The following SYNPO variants were observed in gnomAD, a reference collection of about 807,000 sequenced individuals.
SYNPO encodes the protein synaptopodin.
Under a neutral mutation model 49.5 loss-of-function variants are expected in SYNPO, and 19 were observed. The observed-to-expected ratio is 0.38, with a 90% CI of 0.27 to 0.56. SYNPO has a LOEUF of 0.56. SYNPO is among the 20% of genes least tolerant of loss of function. The pLI, the probability that SYNPO is intolerant of heterozygous loss-of-function variation, is 0.68. For synonymous variants in SYNPO, 536 were observed against 548.0 expected (o/e 0.98, Z 0.31); for missense variants, 1,131 against 1,248.3 (o/e 0.91, Z 1.42).
intron 2 of SYNPO, among the ~76,000 whole-genome samples, chr5:150,622,363 C>A (rs1350355806): frequency 2.6e-5 from 4 of 152,188 alleles, no homozygotes; most frequent in African/African-American, 9.7e-5. Context: ...CTGTGTTCTT[C>A]CACCCACCTG....
intron 1 of SYNPO, among the ~76,000 whole-genome samples, chr5:150,604,630 C>G (rs1325376291): frequency 1.3e-5 from 2 of 152,090 alleles, no homozygotes; most frequent in African/African-American, 4.8e-5. Context: ...ACTAGGTGAC[C>G]CCGTGCTCTG....
chr5:150,630,262 G>A (rs754002197), intron 2 of SYNPO, among the ~76,000 whole-genome samples: 3 of 152,184 alleles, frequency 2.0e-5, no homozygotes, highest in South Asian at 2.1e-4. Flanking sequence ...AAACTCCCAC[G>A]CAGTCTGGCA....
At chr5:150,647,073 T>A (rs922641438) in intron 1 of SYNPO, among the ~76,000 whole-genome samples, 85 of 152,044 alleles carry the variant, frequency 5.6e-4, no homozygotes, top group Middle Eastern at 3.4e-3. Flanking sequence ...TGAAACCCCA[T>A]CTCTACTAAA....
rs1403973579 is a variant in SYNPO at position 150,657,428 on chromosome 5, TCTCTCACACACACACA to T, written c.*343_*358del. 31 of 169,324 alleles carry T rather than the reference TCTCTCACACACACACA, an allele frequency of 1.8e-4. No individual in the cohort carries two copies. The East Asian group carries it at 3.1e-3, about 17-fold the overall frequency. The allele number at this position is 169,324 out of a possible 1,614,324, so 10.5% of individuals were successfully genotyped here. A position where few individuals can be genotyped will look rare whatever the true frequency, so the allele number is the denominator to read the frequency against. ...CACACTCTCTCTTTCTCTCTCTCTC[TCTCTCACACACACACA>T]CACACACACACACACACACACACAC... On this transcript the variant is annotated 3_prime_UTR_variant, in exon 3 of 3. Coordinates refer to ENST00000307662, the MANE Select transcript of SYNPO (RefSeq NM_007286.6).
chr5:150,630,414 G>T (rs1425187468), intron 2 of SYNPO, among the ~76,000 whole-genome samples: 1 of 152,210 alleles, frequency 6.6e-6, no homozygotes, highest in Non-Finnish European at 1.5e-5. Flanking sequence ...GGGCTCCATA[G>T]GAAGATGAGA....
chr5:150,614,902 A>C (rs1581459662), intron 1 of SYNPO: 1 of 152,426 alleles, frequency 6.6e-6, no homozygotes, highest in East Asian at 1.9e-4. Flanking sequence ...CAGTGAGTAC[A>C]AGCACAGACC....
the SYNPO span, among the ~76,000 whole-genome samples, chr5:150,590,612 G>C: frequency 6.6e-6 from 1 of 152,174 alleles, no homozygotes; most frequent in African/African-American, 2.4e-5. Flanking sequence ...GCTTGTGTGG[G>C]CTCTGTCCCT....
At position 150,652,347 on chromosome 5, in the gene SYNPO, CTTCT is replaced by C. The variant is rs999910510; in HGVS notation, c.2028+2054_2028+2057del. On this transcript the variant is annotated intron_variant, in intron 2 of 2. Coordinates refer to ENST00000307662, the MANE Select transcript of SYNPO (RefSeq NM_007286.6). ...TACACTCTGCCTCAAATCCGTCTTG[CTTCT>C]TTCTTTCTTCCGTGCTGCTAGGGGT... The C allele has an allele frequency of 9.6e-5, 95 of 988,626 alleles. No homozygotes were observed. The African/African-American group carries it at 1.4e-3, about 15-fold the overall frequency. The allele number at this position is 988,626 out of a possible 1,614,324, so 61.2% of individuals were successfully genotyped here. A position where few individuals can be genotyped will look rare whatever the true frequency, so the allele number is the denominator to read the frequency against.
At chr5:150,624,959 C>T (rs1757303820) in intron 2 of SYNPO, 3 of 985,534 alleles carry the variant, frequency 3.0e-6, no homozygotes, top group South Asian at 9.4e-5. Context: ...GCGAGCCTCG[C>T]CCCTTCCCAC....
chr5:150,600,599 G>T (rs61516146), upstream of SYNPO, among the ~76,000 whole-genome samples: 3,442 of 152,264 alleles, frequency 0.023, 124 homozygotes, highest in African/African-American at 0.079. Flanking sequence ...GATCTGGCTG[G>T]GGGGTTAAGG....
chr5:150,609,468 T>A (rs1361282923), intron 1 of SYNPO, among the ~76,000 whole-genome samples: 1 of 152,122 alleles, frequency 6.6e-6, no homozygotes, highest in Non-Finnish European at 1.5e-5. Flanking sequence ...CTAATTTTTG[T>A]ATTTTTAGTA....
intron 1 of SYNPO, among the ~76,000 whole-genome samples, chr5:150,608,221 T>A (rs1756747434): frequency 7.0e-6 from 1 of 141,998 alleles, no homozygotes; most frequent in Non-Finnish European, 1.5e-5. Context: ...ATGTCACTCT[T>A]CTTAATCCAA....
At chr5:150,616,449 G>C (rs941483689) in intron 1 of SYNPO, among the ~76,000 whole-genome samples, 3 of 152,126 alleles carry the variant, frequency 2.0e-5, no homozygotes, top group Admixed American at 6.5e-5. Context: ...TTGATTCTAG[G>C]GTTTCCTCCC....
Position 150,648,867 on chromosome 5 carries a change from C to G in SYNPO, c.592C>G (p.Pro198Ala). Residue 198 changes from proline (P) to alanine (A), a missense_variant, in exon 2 of 3, where the codon CCC becomes GCC. By Grantham distance (27) the Pro-to-Ala change is conservative (BLOSUM62 -1). This residue lies in a region of SYNPO where 602 missense variants were observed against 720.7 expected (regional missense o/e 0.84). Transcript: ENST00000307662. This position sits in a 1 kb window ranked among gnomAD's most constrained non-coding sequence, Gnocchi z 5.0. The stretch of plus-strand genomic sequence containing the variant: ...CAGCTCCCTGCTCATTGACATCCAG[C>G]CCAACACCCTAGTGGTGTCAGCAGA... Reference protein sequence around the residue: ...MSSSLLIDIQPNTLVVSADQE... With the variant: ...MSSSLLIDIQANTLVVSADQE... The G allele has an allele frequency of 1.2e-6, 2 of 1,614,252 alleles. No homozygotes were observed. The highest frequency in any genetic ancestry group is 8.5e-7 in the Non-Finnish European group (1 of 1,180,042).
chr5:150,629,335 A>C (rs75999591), intron 2 of SYNPO, among the ~76,000 whole-genome samples: 3,432 of 152,304 alleles, frequency 0.023, 114 homozygotes, highest in African/African-American at 0.077. Context: ...AGGCACAAGC[A>C]CAGCGGAAAA....
In SYNPO at chr5:150,650,110, C is replaced by A. The variant is rs376801590; in HGVS notation, c.1835C>A (p.Ala612Asp). Residue 612 changes from alanine to aspartate, a missense_variant, in exon 2 of 3, where the codon GCC becomes GAC. Physicochemically the swap from Ala to Asp is moderately radical, Grantham distance 126. Transcript: ENST00000307662. ...LPKGALPPSP[A>D]LPRPSRSSPG... The stretch of plus-strand genomic sequence containing the variant: ...AAGGGGGCTCTCCCTCCATCTCCTG[C>A]CCTGCCTCGGCCCTCGCGCTCCTCA... 6.8e-6 allele frequency: 11 copies of A among 1,613,612 alleles called. No homozygotes were observed. In the African/African-American group the frequency reaches 1.5e-4, roughly 22 times the overall value.
At chr5:150,609,696 A>G (rs1364048325) in intron 1 of SYNPO, among the ~76,000 whole-genome samples, 2 of 151,554 alleles carry the variant, frequency 1.3e-5, no homozygotes, top group Admixed American at 1.3e-4. Flanking sequence ...TGTTATCAGC[A>G]TAAGTTTACT....
the SYNPO span, among the ~76,000 whole-genome samples, chr5:150,595,647 T>C: frequency 6.6e-6 from 1 of 152,228 alleles, no homozygotes; most frequent in African/African-American, 2.4e-5. Flanking sequence ...GGCTATTTTA[T>C]CAAGATGTAA....
intron 1 of SYNPO, 56 bp downstream of exon 1, chr5:150,640,910 G>T: frequency 1.1e-6 from 1 of 881,308 alleles, no homozygotes; most frequent in African/African-American, 1.8e-5. Context: ...ATGACTTAGG[G>T]CATGTGGCAT....
Sources: gnomAD v4.1 joint callset for allele counts (sites outside exome capture counted in the v4.1 genomes callset) on GRCh38, gnomAD v4.1.1 for gene constraint, gnomAD v4.1.1 regional missense constraint, Gnocchi (gnomAD v3.1) non-coding constraint, MANE v1.5 for transcripts, NCBI Gene and HGNC (gene_info 2026-07-23, HGNC 2026-07-21) for gene names.